Variants in ATP13A5 observed in about 807,000 individuals in gnomAD.
ATP13A5 encodes the protein ATPase 13A5, also known as probable cation-transporting ATPase 13A5.
ATP13A5 carries 149 observed loss-of-function variants against 150.2 expected under a neutral mutation model. The observed-to-expected ratio is 0.99, with a 90% CI of 0.87 to 1.14. The LOEUF (loss-of-function observed/expected upper bound fraction) is 1.14, where lower values mean the gene tolerates loss of function less well. Among genes scored for constraint, ATP13A5 ranks in the 50% most tolerant of loss-of-function variants. ATP13A5 has a pLI of 0.00. For synonymous variants in ATP13A5, 497 were observed against 522.2 expected (o/e 0.95, Z 0.66); for missense variants, 1,383 against 1,449.3 (o/e 0.95, Z 0.74).
At chr3:193,286,247 A>C (rs1717718125) in intron 26 of ATP13A5, among the ~76,000 whole-genome samples, 1 of 152,198 alleles carries the variant, frequency 6.6e-6, no homozygotes, top group Admixed American at 6.5e-5. Flanking sequence ...ACGTGAACTC[A>C]AATGCAAGAC....
At chr3:193,362,084 A>T (rs564752225) in intron 5 of ATP13A5, among the ~76,000 whole-genome samples, 5 of 152,314 alleles carry the variant, frequency 3.3e-5, no homozygotes, top group African/African-American at 1.2e-4. Flanking sequence ...GCTGACATTT[A>T]GGGAATGACT....
At chr3:193,317,426 A>T (rs533900615) in intron 17 of ATP13A5, among the ~76,000 whole-genome samples, 2 of 152,316 alleles carry the variant, frequency 1.3e-5, no homozygotes, top group South Asian at 2.1e-4. Flanking sequence ...TTCACTTCCA[A>T]ATAAGTTCTC....
At chr3:193,335,757 G>GATTGTCAA (rs1409257988) in intron 9 of ATP13A5, among the ~76,000 whole-genome samples, 1 of 152,146 alleles carries the variant, frequency 6.6e-6, no homozygotes, top group Admixed American at 6.6e-5. Context: ...TCTCCTGCTA[G>GATTGTCAA]ATTGTCAAAG....
intron 20 of ATP13A5, 104 bp downstream of exon 20, chr3:193,311,712 A>C: frequency 6.7e-7 from 1 of 1,489,582 alleles, no homozygotes; most frequent in South Asian, 1.3e-5. Context: ...TTTATTCTCT[A>C]ACTGTGAGGC....
At chr3:193,375,917 T>C (rs1224480630) in intron 1 of ATP13A5, among the ~76,000 whole-genome samples, 1 of 152,202 alleles carries the variant, frequency 6.6e-6, no homozygotes, top group Non-Finnish European at 1.5e-5. Flanking sequence ...TTGCCTCGAC[T>C]GTCTCTAATT....
chr3:193,374,831 G>A (rs1713584275), intron 1 of ATP13A5, among the ~76,000 whole-genome samples: 1 of 152,190 alleles, frequency 6.6e-6, no homozygotes, highest in Non-Finnish European at 1.5e-5. Flanking sequence ...CCTTGTGAAT[G>A]TTGTTTTCAC....
At chr3:193,310,551 A>G in intron 21 of ATP13A5, 87 bp downstream of exon 21, 1 of 1,048,212 alleles carries the variant, frequency 9.5e-7, no homozygotes, top group Non-Finnish European at 1.4e-6. Flanking sequence ...CTTTTTAATA[A>G]TAGCCATTCT....
chr3:193,297,801 T>C (rs1468688537), intron 25 of ATP13A5, among the ~76,000 whole-genome samples: 1 of 152,042 alleles, frequency 6.6e-6, no homozygotes, highest in African/African-American at 2.4e-5. Flanking sequence ...ATAACTAATA[T>C]CATGGAATTA....
intron 1 of ATP13A5, among the ~76,000 whole-genome samples, chr3:193,367,201 C>A (rs1274040232): frequency 6.6e-6 from 1 of 151,738 alleles, no homozygotes; most frequent in East Asian, 1.9e-4. Flanking sequence ...AAGATGAGTG[C>A]AGAAATAAGA....
At chr3:193,366,627 A>C (rs1713247298) in intron 1 of ATP13A5, among the ~76,000 whole-genome samples, 1 of 152,056 alleles carries the variant, frequency 6.6e-6, no homozygotes, top group Non-Finnish European at 1.5e-5. Context: ...ATAGAATTTA[A>C]ATCTACTCTC....
intron 21 of ATP13A5, among the ~76,000 whole-genome samples, chr3:193,308,494 A>T (rs1287145838): frequency 3.3e-5 from 5 of 152,192 alleles, no homozygotes; most frequent in Non-Finnish European, 7.3e-5. Context: ...GCACACCCCT[A>T]TGGTTCAATC....
chr3:193,299,020 A>G (rs1030111715), intron 25 of ATP13A5, 111 bp downstream of exon 25: 10 of 780,278 alleles, frequency 1.3e-5, no homozygotes, highest in South Asian at 1.1e-4. Context: ...GTAAATAATG[A>G]GGTTTTGGAA....
intron 17 of ATP13A5, among the ~76,000 whole-genome samples, chr3:193,316,831 A>G (rs1344928508): frequency 6.6e-6 from 1 of 152,194 alleles, no homozygotes; most frequent in East Asian, 1.9e-4. Context: ...CCACCAGCAA[A>G]AGAATGAAAT....
intron 9 of ATP13A5, among the ~76,000 whole-genome samples, chr3:193,336,190 C>G (rs1232650972): frequency 6.6e-6 from 1 of 151,956 alleles, no homozygotes; most frequent in Non-Finnish European, 1.5e-5. Context: ...AATTTGTATA[C>G]TCTTCATTTT....
At chr3:193,295,524 A>C (rs952725661) in intron 25 of ATP13A5, among the ~76,000 whole-genome samples, 5 of 152,014 alleles carry the variant, frequency 3.3e-5, no homozygotes, top group Non-Finnish European at 7.4e-5. Context: ...ATGTATGTGA[A>C]TCCCCCACTG....
chr3:193,319,634 G>A (rs1239064441), intron 16 of ATP13A5, among the ~76,000 whole-genome samples: 1 of 152,176 alleles, frequency 6.6e-6, no homozygotes, highest in African/African-American at 2.4e-5. Flanking sequence ...GCAGTCTATG[G>A]TCTTTTGTTA....
chr3:193,299,874 A>T (rs575317176), intron 24 of ATP13A5, among the ~76,000 whole-genome samples: 2 of 152,284 alleles, frequency 1.3e-5, no homozygotes, highest in Admixed American at 6.5e-5. Flanking sequence ...TCGACTAAGC[A>T]CTAAACTATA....
intron 16 of ATP13A5, 38 bp downstream of exon 16, chr3:193,321,643 A>AAAG (rs1719281616): frequency 1.2e-6 from 2 of 1,605,460 alleles, no homozygotes; most frequent in East Asian, 4.5e-5. Flanking sequence ...AGAAAAAACA[A>AAAG]AAGTATTTTA....
intron 1 of ATP13A5, among the ~76,000 whole-genome samples, chr3:193,368,402 G>GTGTGTGTGTGTGTGTGTGTGTT (rs1713325705): frequency 6.6e-6 from 1 of 151,624 alleles, no homozygotes; most frequent in Non-Finnish European, 1.5e-5. Context: ...TTGTGTGTGT[G>GTGTGTGTGTGTGTGTGTGTGTT]TGTGTGTGTG....
Sources: allele counts gnomAD v4.1 joint callset (sites outside exome capture counted in the v4.1 genomes callset), GRCh38; gene constraint gnomAD v4.1.1; transcripts MANE v1.5; gene names NCBI Gene and HGNC (gene_info 2026-07-23, HGNC 2026-07-21).